The following MARCHF1 variants were observed in gnomAD, a reference collection of about 807,000 sequenced individuals.
MARCHF1 encodes the protein membrane associated ring-CH-type finger 1, also known as E3 ubiquitin-protein ligase MARCHF1.
Under a neutral mutation model 54.2 loss-of-function variants are expected in MARCHF1, and 40 were observed. The observed-to-expected ratio is 0.74, with a 90% CI of 0.57 to 0.96. The LOEUF (loss-of-function observed/expected upper bound fraction) is 0.96, where lower values mean the gene tolerates loss of function less well. Ranked by LOEUF, MARCHF1 falls within the 40% of genes least tolerant of loss-of-function variation. MARCHF1 has a pLI of 0.00. For missense variants in MARCHF1, 586 were observed against 656.5 expected, an observed-to-expected ratio of 0.89 and a Z score of 1.17; for synonymous variants, 236 against 236.3, an observed-to-expected ratio of 1.00 and a Z score of 0.01.
chr4:164,044,082 C>T (rs552423005), intron 2 of MARCHF1, among the ~76,000 whole-genome samples: 63 of 152,280 alleles, frequency 4.1e-4, no homozygotes, highest in African/African-American at 1.4e-3. Context: ...AGTTCCAAAC[C>T]TTCCCACATA....
intron 5 of MARCHF1, among the ~76,000 whole-genome samples, chr4:163,637,248 G>T (rs1389250018): frequency 6.6e-6 from 1 of 152,122 alleles, no homozygotes; most frequent in African/African-American, 2.4e-5. Flanking sequence ...TGACAAATGG[G>T]ATCTCATTAA....
At chr4:164,074,114 T>C (rs1754924321) in intron 2 of MARCHF1, among the ~76,000 whole-genome samples, 1 of 152,208 alleles carries the variant, frequency 6.6e-6, no homozygotes, top group African/African-American at 2.4e-5. Context: ...AAGTATTTCA[T>C]TTTGAAAGTA....
At chr4:164,339,601 T>C (rs1052407859) in intron 1 of MARCHF1, among the ~76,000 whole-genome samples, 1 of 152,106 alleles carries the variant, frequency 6.6e-6, no homozygotes, top group African/African-American at 2.4e-5. Flanking sequence ...CAGGGATAAA[T>C]GCCTACATGA....
intron 7 of MARCHF1, among the ~76,000 whole-genome samples, chr4:163,592,578 T>C (rs181566117): frequency 2.6e-5 from 4 of 152,078 alleles, no homozygotes; most frequent in East Asian, 1.9e-4. Context: ...AAGATAATGA[T>C]CACCTTGCTT....
chr4:164,159,985 C>A (rs904904604), intron 1 of MARCHF1, among the ~76,000 whole-genome samples: 1 of 152,110 alleles, frequency 6.6e-6, no homozygotes, highest in Non-Finnish European at 1.5e-5. Flanking sequence ...TTTTAACACC[C>A]TTCCTTCTGA....
At chr4:164,343,643 C>T (rs910057040) in intron 1 of MARCHF1, among the ~76,000 whole-genome samples, 37 of 152,100 alleles carry the variant, frequency 2.4e-4, no homozygotes, top group Non-Finnish European at 5.1e-4. Flanking sequence ...TATCACTAAT[C>T]ATTAGAGAAA....
At chr4:163,832,178 C>T (rs1489827030) in intron 4 of MARCHF1, among the ~76,000 whole-genome samples, 6 of 152,132 alleles carry the variant, frequency 3.9e-5, no homozygotes, top group Admixed American at 2.6e-4. Context: ...AAGGAGATGT[C>T]GTTTCTAATT....
At chr4:163,864,155 G>A (rs536629936) in intron 3 of MARCHF1, among the ~76,000 whole-genome samples, 30 of 151,916 alleles carry the variant, frequency 2.0e-4, no homozygotes, top group Non-Finnish European at 3.8e-4. Context: ...ACTGCCTTCC[G>A]AAGAGTACAA....
At chr4:163,765,878 T>A (rs1250359871) in intron 4 of MARCHF1, among the ~76,000 whole-genome samples, 2 of 147,814 alleles carry the variant, frequency 1.4e-5, no homozygotes, top group Non-Finnish European at 3.0e-5. Flanking sequence ...ATATATATAA[T>A]ATATACATAT....
intron 2 of MARCHF1, among the ~76,000 whole-genome samples, chr4:164,022,227 A>G (rs533320020): frequency 1.3e-5 from 2 of 152,342 alleles, no homozygotes; most frequent in Non-Finnish European, 2.9e-5. Flanking sequence ...TACATAAGCT[A>G]CTAGCCAAGT....
At chr4:164,206,655 T>C (rs771628341) in intron 1 of MARCHF1, among the ~76,000 whole-genome samples, 6 of 152,136 alleles carry the variant, frequency 3.9e-5, no homozygotes, top group Non-Finnish European at 8.8e-5. Flanking sequence ...TTTCAGTCCA[T>C]TGACTTACTG....
At chr4:164,322,501 T>C (rs978442740) in intron 1 of MARCHF1, among the ~76,000 whole-genome samples, 23 of 151,986 alleles carry the variant, frequency 1.5e-4, no homozygotes, top group African/African-American at 5.6e-4. Flanking sequence ...AGACCTACTA[T>C]TTGATAGCAC....
chr4:164,243,928 C>T (rs1485959749), intron 1 of MARCHF1, among the ~76,000 whole-genome samples: 1 of 152,022 alleles, frequency 6.6e-6, no homozygotes, highest in African/African-American at 2.4e-5. Context: ...TATATATGCA[C>T]CCAATACAGG....
intron 1 of MARCHF1, among the ~76,000 whole-genome samples, chr4:164,261,941 A>C (rs1203279160): frequency 6.6e-6 from 1 of 151,796 alleles, no homozygotes; most frequent in African/African-American, 2.4e-5. Context: ...TCTTCAAAAA[A>C]TTTTTAAAAA....
intron 3 of MARCHF1, among the ~76,000 whole-genome samples, chr4:163,929,946 T>TTATA (rs765089880): frequency 1.9e-5 from 1 of 52,924 alleles, no homozygotes; most frequent in Non-Finnish European, 3.2e-5. Flanking sequence ...TATATTTATA[T>TTATA]TATATATATT....
intron 3 of MARCHF1, among the ~76,000 whole-genome samples, chr4:163,914,102 T>C (rs11733332): frequency 0.4 from 60,795 of 151,514 alleles, 12,360 homozygotes; most frequent in East Asian, 0.47. Context: ...TTTTTTTCCA[T>C]ATAGAGAGTA....
At chr4:163,663,974 A>G (rs1743439123) in intron 5 of MARCHF1, among the ~76,000 whole-genome samples, 1 of 152,008 alleles carries the variant, frequency 6.6e-6, no homozygotes, top group Admixed American at 6.6e-5. Flanking sequence ...AACATCAAAC[A>G]GCTGACAAAT....
chr4:164,231,815 T>C (rs1358845998), intron 1 of MARCHF1, among the ~76,000 whole-genome samples: 1 of 152,124 alleles, frequency 6.6e-6, no homozygotes, highest in Admixed American at 6.6e-5. Flanking sequence ...TAATGGTAAG[T>C]AATAAATTCT....
At chr4:163,705,449 G>C (rs1202426401) in intron 4 of MARCHF1, among the ~76,000 whole-genome samples, 2 of 151,826 alleles carry the variant, frequency 1.3e-5, no homozygotes, top group Non-Finnish European at 2.9e-5. Context: ...ATATGTCTTT[G>C]ATACATGAGC....
Sources: allele counts gnomAD v4.1 joint callset (sites outside exome capture counted in the v4.1 genomes callset), GRCh38; gene constraint gnomAD v4.1.1; transcripts MANE v1.5; gene names NCBI Gene and HGNC (gene_info 2026-07-23, HGNC 2026-07-21).